The following CSMD1 variants were observed in gnomAD, a reference collection of about 807,000 sequenced individuals.
CSMD1 encodes CUB and Sushi multiple domains 1.
A neutral mutation model predicts 417.5 loss-of-function variants in CSMD1; 213 were observed. That is an observed-to-expected ratio of 0.51 (90% CI 0.46 to 0.57). The LOEUF is 0.57. Ranked by LOEUF, CSMD1 falls within the 20% of genes least tolerant of loss-of-function variation. The pLI is 0.00. For missense variants in CSMD1, 6,923 were observed against 4,529.7 expected (o/e 1.53, Z -15.17); for synonymous variants, 2,862 against 1,736.8 (o/e 1.65, Z -16.11).
At chr8:3,809,216 A>G (rs767504076) in intron 5 of CSMD1, among the ~76,000 whole-genome samples, 1 of 152,158 alleles carries the variant, frequency 6.6e-6, no homozygotes, top group East Asian at 1.9e-4. Context: ...TCAGGTCTCC[A>G]GTTAAGTTTC....
At chr8:4,917,798 G>A (rs1279339643) in intron 1 of CSMD1, among the ~76,000 whole-genome samples, 1 of 152,156 alleles carries the variant, frequency 6.6e-6, no homozygotes, top group Non-Finnish European at 1.5e-5. Flanking sequence ...GAAAAGTGTT[G>A]CAAGATAGGA....
Position 4,597,951 on chromosome 8 carries a change from T to C in CSMD1, c.302+39391A>G, listed in dbSNP as rs187389069. Among the ~76,000 whole-genome samples, 601 of 151,994 alleles carry C rather than the reference T, an allele frequency of 4.0e-3. 4 individuals carry two copies. Among genetic ancestry groups the C allele is most frequent in the African/African-American group, 0.014 (578 of 41,510 alleles). On this transcript the variant is annotated intron_variant, in intron 2 of 69. Transcript: ENST00000635120. The stretch of plus-strand genomic sequence containing the variant: ...GCTCTTATAATAAACATCATTGTCA[T>C]CTCTAATTATTTTAAAATATATGTG...
At chr8:4,205,368 A>T (rs1799914464) in intron 3 of CSMD1, among the ~76,000 whole-genome samples, 1 of 152,246 alleles carries the variant, frequency 6.6e-6, no homozygotes, top group Non-Finnish European at 1.5e-5. Flanking sequence ...ACAAGGGAAA[A>T]AGTGTGAACA....
At chr8:3,390,340 G>C (rs1399318934) in intron 17 of CSMD1, among the ~76,000 whole-genome samples, 3 of 109,204 alleles carry the variant, frequency 2.7e-5, no homozygotes, top group Non-Finnish European at 5.1e-5. Context: ...GGGCGACAGA[G>C]CAAGACTCTG....
chr8:3,671,392 G>A (rs1799025557), intron 7 of CSMD1, among the ~76,000 whole-genome samples: 1 of 146,514 alleles, frequency 6.8e-6, no homozygotes, highest in East Asian at 2.0e-4. Flanking sequence ...TATCTCAGAA[G>A]CATATAGATC....
chr8:4,279,471 G>A (rs554631001), intron 3 of CSMD1, among the ~76,000 whole-genome samples: 2 of 152,148 alleles, frequency 1.3e-5, no homozygotes, highest in Non-Finnish European at 2.9e-5. Context: ...CCATTTAATA[G>A]CGTTTTTTCA....
intron 4 of CSMD1, among the ~76,000 whole-genome samples, chr8:4,027,148 G>A (rs1025408355): frequency 1.3e-5 from 2 of 152,148 alleles, no homozygotes; most frequent in Admixed American, 6.5e-5. Flanking sequence ...TACACTACCA[G>A]GTGGAATTGC....
chr8:4,577,243 T>G (rs1017484532), intron 2 of CSMD1, among the ~76,000 whole-genome samples: 1 of 152,160 alleles, frequency 6.6e-6, no homozygotes, highest in Non-Finnish European at 1.5e-5. Context: ...GGAAAAAAAT[T>G]CACTTAGCAG....
intron 2 of CSMD1, among the ~76,000 whole-genome samples, chr8:4,467,135 A>AAG (rs1381701874): frequency 2.0e-5 from 3 of 149,942 alleles, no homozygotes; most frequent in Non-Finnish European, 4.5e-5. Flanking sequence ...AAAAAAAAAA[A>AAG]AAAAAGAAAA....
At chr8:4,012,159 T>C (rs763761905) in intron 4 of CSMD1, among the ~76,000 whole-genome samples, 1 of 152,184 alleles carries the variant, frequency 6.6e-6, no homozygotes, top group Non-Finnish European at 1.5e-5. Flanking sequence ...TCATTGAAAC[T>C]GGATGCAGAA....
intron 1 of CSMD1, among the ~76,000 whole-genome samples, chr8:4,782,161 C>T (rs184031708): frequency 2.6e-5 from 4 of 152,104 alleles, no homozygotes; most frequent in African/African-American, 9.7e-5. Context: ...TACAAAGTTA[C>T]AGTTAGGAAG....
At chr8:4,219,861 G>A (rs991080772) in intron 3 of CSMD1, among the ~76,000 whole-genome samples, 1 of 152,164 alleles carries the variant, frequency 6.6e-6, no homozygotes, top group African/African-American at 2.4e-5. Flanking sequence ...GGAGTGCATA[G>A]AAAGACAAAA....
At chr8:3,439,271 G>T (rs1446165909) in intron 12 of CSMD1, among the ~76,000 whole-genome samples, 1 of 99,586 alleles carries the variant, frequency 1.0e-5, no homozygotes, top group Non-Finnish European at 2.0e-5. Context: ...GAGAGCATTT[G>T]GCAATGTCAG....
At chr8:4,514,962 G>C (rs1803036078) in intron 2 of CSMD1, among the ~76,000 whole-genome samples, 1 of 152,106 alleles carries the variant, frequency 6.6e-6, no homozygotes, top group Non-Finnish European at 1.5e-5. Context: ...AAGATTTTTG[G>C]CCTTTTAAGC....
chr8:3,285,972 A>T (rs941791614), intron 25 of CSMD1, among the ~76,000 whole-genome samples: 1 of 151,998 alleles, frequency 6.6e-6, no homozygotes, highest in African/African-American at 2.4e-5. Flanking sequence ...TCCTAATGCT[A>T]TCCCTCCCCA....
intron 29 of CSMD1, among the ~76,000 whole-genome samples, chr8:3,217,746 C>T (rs1213016684): frequency 1.3e-5 from 2 of 151,988 alleles, no homozygotes; most frequent in Non-Finnish European, 2.9e-5. Context: ...AGTAAATACC[C>T]CTAAGTGTGC....
intron 12 of CSMD1, among the ~76,000 whole-genome samples, chr8:3,457,406 T>C (rs1816221948): frequency 6.6e-6 from 1 of 152,214 alleles, no homozygotes; most frequent in African/African-American, 2.4e-5. Flanking sequence ...ACTTTCTTTC[T>C]GCTCACTCCC....
intron 17 of CSMD1, among the ~76,000 whole-genome samples, chr8:3,394,090 C>G (rs1230319968): frequency 1.5e-5 from 2 of 137,650 alleles, no homozygotes; most frequent in East Asian, 2.1e-4. Flanking sequence ...GCTTTACTCT[C>G]TGAGGGGTAC....
At chr8:3,291,219 C>T (rs970681247) in intron 25 of CSMD1, among the ~76,000 whole-genome samples, 18 of 152,190 alleles carry the variant, frequency 1.2e-4, no homozygotes, top group South Asian at 2.1e-4. Context: ...TTGCTGGATT[C>T]CATTTGCCAG....
Sources: allele counts gnomAD v4.1 joint callset (sites outside exome capture counted in the v4.1 genomes callset), GRCh38; gene constraint gnomAD v4.1.1; transcripts MANE v1.5; gene names NCBI Gene and HGNC (gene_info 2026-07-23, HGNC 2026-07-21).